SPAG16: variants seen among roughly 807,000 people sequenced by gnomAD.
SPAG16 encodes sperm associated antigen 16, also known as sperm-associated antigen 16 protein.
SPAG16 carries 86 observed loss-of-function variants against 80.4 expected under a neutral mutation model. The observed-to-expected ratio is 1.07, with a 90% CI of 0.90 to 1.28. SPAG16 has a LOEUF of 1.28. Among genes scored for constraint, SPAG16 ranks in the 50% most tolerant of loss-of-function variants. SPAG16 has a pLI of 0.00. For synonymous variants in SPAG16, 294 were observed against 265.9 expected (o/e 1.11, Z -1.03); for missense variants, 870 against 765.3 (o/e 1.14, Z -1.61).
intron 14 of SPAG16, among the ~76,000 whole-genome samples, chr2:214,123,439 A>G (rs935090237): frequency 6.6e-6 from 1 of 152,024 alleles, no homozygotes; most frequent in Non-Finnish European, 1.5e-5. Context: ...GTATCTTTGG[A>G]TAACTTTAAA....
chr2:213,286,410 A>G (rs1382117366), intron 1 of SPAG16, among the ~76,000 whole-genome samples: 2 of 152,160 alleles, frequency 1.3e-5, no homozygotes, highest in Non-Finnish European at 2.9e-5. Context: ...GTTGAAATGA[A>G]GTTTGAGGAT....
chr2:213,884,960 G>A (rs116773843), intron 11 of SPAG16, among the ~76,000 whole-genome samples: 1,540 of 152,256 alleles, frequency 0.01, 34 homozygotes, highest in African/African-American at 0.035. Context: ...TTGCCATCCA[G>A]ATTCTGAATT....
chr2:213,828,148 G>C (rs1313021022), intron 10 of SPAG16, among the ~76,000 whole-genome samples: 1 of 152,016 alleles, frequency 6.6e-6, no homozygotes, highest in Non-Finnish European at 1.5e-5. Context: ...TAAAGCCAGT[G>C]ACTTAGATTT....
chr2:213,895,289 G>T (rs1451607176), intron 11 of SPAG16, among the ~76,000 whole-genome samples: 1 of 151,942 alleles, frequency 6.6e-6, no homozygotes, highest in Admixed American at 6.6e-5. Flanking sequence ...CAAATGAAAA[G>T]ATATTTCATG....
At chr2:213,412,536 C>A (rs1337215774) in intron 9 of SPAG16, among the ~76,000 whole-genome samples, 1 of 152,162 alleles carries the variant, frequency 6.6e-6, no homozygotes, top group Non-Finnish European at 1.5e-5. Context: ...TATGTTGGTC[C>A]TCAATAAATC....
chr2:213,430,656 T>C (rs1411782425), intron 9 of SPAG16, among the ~76,000 whole-genome samples: 1 of 152,144 alleles, frequency 6.6e-6, no homozygotes, highest in Non-Finnish European at 1.5e-5. Context: ...AGAAAACCTA[T>C]TTAAGGAAGT....
At chr2:214,357,578 A>G (rs1698901608) in intron 15 of SPAG16, among the ~76,000 whole-genome samples, 2 of 151,764 alleles carry the variant, frequency 1.3e-5, no homozygotes, top group African/African-American at 4.8e-5. Context: ...GTGACTAGAC[A>G]TTTGTATAGT....
intron 10 of SPAG16, among the ~76,000 whole-genome samples, chr2:213,824,399 A>G (rs536124313): frequency 2.6e-5 from 4 of 152,178 alleles, no homozygotes; most frequent in Non-Finnish European, 5.9e-5. Context: ...TCTTTAACCC[A>G]TTTATATTGA....
chr2:213,940,084 A>C (rs1276393280), intron 12 of SPAG16, among the ~76,000 whole-genome samples: 1 of 152,210 alleles, frequency 6.6e-6, no homozygotes, highest in African/African-American at 2.4e-5. Flanking sequence ...ATAAATATGC[A>C]TTTGAAAAGG....
At chr2:214,076,749 G>T (rs1377912413) in intron 13 of SPAG16, among the ~76,000 whole-genome samples, 1 of 152,166 alleles carries the variant, frequency 6.6e-6, no homozygotes, top group African/African-American at 2.4e-5. Flanking sequence ...AATGGCATAT[G>T]AGTTCATAGT....
At chr2:213,976,482 A>G (rs1057396304) in intron 12 of SPAG16, among the ~76,000 whole-genome samples, 9 of 151,990 alleles carry the variant, frequency 5.9e-5, no homozygotes, top group African/African-American at 2.2e-4. Flanking sequence ...ATGTAGCAAA[A>G]AGGACTTGCA....
chr2:214,215,219 G>A (rs1211870331), intron 15 of SPAG16, among the ~76,000 whole-genome samples: 1 of 151,980 alleles, frequency 6.6e-6, no homozygotes, highest in Non-Finnish European at 1.5e-5. Context: ...CTTTGCCTCA[G>A]AAATGACTAA....
At chr2:213,475,003 G>A (rs1176904606) in intron 9 of SPAG16, among the ~76,000 whole-genome samples, 2 of 152,152 alleles carry the variant, frequency 1.3e-5, no homozygotes, top group East Asian at 3.8e-4. Context: ...GTCCTCCAAT[G>A]GTACTGCTGT....
chr2:214,136,084 GA>G (rs2055037925), intron 14 of SPAG16, among the ~76,000 whole-genome samples: 1 of 152,120 alleles, frequency 6.6e-6, no homozygotes, highest in Non-Finnish European at 1.5e-5. Flanking sequence ...GAGGAAGAGA[GA>G]GGGGGTAGTG....
chr2:214,233,293 T>A (rs1261752800), intron 15 of SPAG16, among the ~76,000 whole-genome samples: 1 of 151,914 alleles, frequency 6.6e-6, no homozygotes. Context: ...AACACATTAA[T>A]CTCTGTAGCC....
chr2:213,888,895 G>T (rs909491067), intron 11 of SPAG16, among the ~76,000 whole-genome samples: 1 of 151,934 alleles, frequency 6.6e-6, no homozygotes, highest in East Asian at 1.9e-4. Flanking sequence ...TCAATGCACA[G>T]AACGTAATCA....
chr2:214,048,867 A>G (rs1056846358), intron 13 of SPAG16, among the ~76,000 whole-genome samples: 1 of 152,162 alleles, frequency 6.6e-6, no homozygotes, highest in East Asian at 1.9e-4. Flanking sequence ...AAAAAATCTT[A>G]TTATTCCATA....
At chr2:213,491,400 C>A (rs1311998476) in intron 10 of SPAG16, among the ~76,000 whole-genome samples, 1 of 152,174 alleles carries the variant, frequency 6.6e-6, no homozygotes, top group Non-Finnish European at 1.5e-5. Flanking sequence ...ATCTCCCCAC[C>A]TTTTTGTAAC....
At chr2:213,857,057 C>T (rs1467693420) in intron 10 of SPAG16, among the ~76,000 whole-genome samples, 1 of 152,060 alleles carries the variant, frequency 6.6e-6, no homozygotes, top group Non-Finnish European at 1.5e-5. Flanking sequence ...TGGCGAAACC[C>T]TATCTCTATC....
Sources: allele counts gnomAD v4.1 joint callset (sites outside exome capture counted in the v4.1 genomes callset), GRCh38; gene constraint gnomAD v4.1.1; transcripts MANE v1.5; gene names NCBI Gene and HGNC (gene_info 2026-07-23, HGNC 2026-07-21).